TRNT1: variants seen among roughly 807,000 people sequenced by gnomAD.
TRNT1 encodes tRNA nucleotidyl transferase 1.
A neutral mutation model predicts 45.6 loss-of-function variants in TRNT1; 44 were observed. That is an observed-to-expected ratio of 0.97 (90% CI 0.76 to 1.24). The LOEUF is 1.24. TRNT1 is among the 50% of genes most tolerant of loss of function. The probability of loss-of-function intolerance (pLI) is 0.00; values close to 1 mark genes in which losing one functional copy is unlikely to be tolerated. For missense variants in TRNT1, 633 were observed against 504.4 expected (o/e 1.25, Z -2.44); for synonymous variants, 201 against 171.4 (o/e 1.17, Z -1.35).
At chr3:3,147,319 A>G in intron 6 of TRNT1, 131 bp from the exon 7 acceptor site, 2 of 1,019,262 alleles carry the variant, frequency 2.0e-6, no homozygotes, top group Non-Finnish European at 2.9e-6. Context: ...AAGTTGGAAC[A>G]TCAGACTGAA....
At chr3:3,131,486 A>G (rs963528991) in intron 2 of TRNT1, 8 of 151,846 alleles carry the variant, frequency 5.3e-5, no homozygotes, top group African/African-American at 1.4e-4. Flanking sequence ...ATATGTAGAA[A>G]GCTGAAACTG....
intron 1 of TRNT1, among the ~76,000 whole-genome samples, chr3:3,128,617 A>AAG (rs1438207583): frequency 7.1e-6 from 1 of 141,706 alleles, no homozygotes; most frequent in African/African-American, 2.5e-5. Flanking sequence ...AAAAAAAAAA[A>AAG]AAAAGAATTC....
At chr3:3,133,021 T>G (rs1259808849) in intron 2 of TRNT1, among the ~76,000 whole-genome samples, 1 of 152,150 alleles carries the variant, frequency 6.6e-6, no homozygotes, top group Non-Finnish European at 1.5e-5. Context: ...AAAATCAAAA[T>G]GTACAAAAAC....
chr3:3,153,271 TG>T (rs1249490224), downstream of TRNT1: 10 of 590,778 alleles, frequency 1.7e-5, no homozygotes, highest in Non-Finnish European at 2.2e-5. Flanking sequence ...ATCTGGAAGA[TG>T]GTCTTAGCAA....
intron 4 of TRNT1, among the ~76,000 whole-genome samples, chr3:3,142,350 C>G (rs1026833546): frequency 1.3e-5 from 2 of 152,232 alleles, no homozygotes; most frequent in South Asian, 4.1e-4. Context: ...ATTTAATCTC[C>G]TGACAACCCT....
chr3:3,143,824 C>T (rs1370115740), intron 4 of TRNT1, among the ~76,000 whole-genome samples: 1 of 152,172 alleles, frequency 6.6e-6, no homozygotes, highest in African/African-American at 2.4e-5. Context: ...CACCACTGCA[C>T]TCCAACCAGG....
chr3:3,130,213 T>G (rs6788122), intron 2 of TRNT1: 7,869 of 465,662 alleles, frequency 0.017, 207 homozygotes, highest in African/African-American at 0.084. Context: ...ATCTATTAGA[T>G]TCACCTGGGG....
rs1705559162 is a variant in TRNT1, at chr3:3,140,197, T to C, written c.343-313T>C. ...TTTCTGATAATAGCTTGATTTGAAA[T>C]TGAAGAACAGTTTTGAGTTTGATGT... is the stretch of plus-strand genomic sequence containing the variant. On this transcript the variant is annotated intron_variant, in intron 3 of 7. Transcript: ENST00000251607. Among the ~76,000 whole-genome samples, 3 of 152,228 alleles carry C rather than the reference T, an allele frequency of 2.0e-5. No individual in the cohort carries two copies. The South Asian group carries it at 6.2e-4, about 31-fold the overall frequency.
downstream of TRNT1, chr3:3,152,919 G>T (rs776732948): frequency 3.5e-5 from 12 of 341,622 alleles, no homozygotes; most frequent in Non-Finnish European, 6.0e-5. Flanking sequence ...GCAATGACAA[G>T]GTCCTGTGTG....
chr3:3,152,424 A>AAAAAAG, downstream of TRNT1: 1 of 1,419,804 alleles, frequency 7.0e-7, no homozygotes, highest in Non-Finnish European at 9.5e-7. Flanking sequence ...GTAAAAAAAG[A>AAAAAAG]AAAAAAAAAG....
chr3:3,150,958 T>A, downstream of TRNT1: 1 of 1,614,082 alleles, frequency 6.2e-7, no homozygotes, highest in South Asian at 1.1e-5. Flanking sequence ...CCCAAAATTT[T>A]TGAGGTGACA....
intron 3 of TRNT1, 136 bp from the exon 4 acceptor site, chr3:3,140,374 G>C (rs1705571284): frequency 2.8e-6 from 2 of 702,514 alleles, no homozygotes; most frequent in Admixed American, 2.9e-5. Flanking sequence ...AGGTATGGTA[G>C]TTGACGTTAA....
In TRNT1 at chr3:3,144,213, C is replaced by T. The variant is rs956363051; in HGVS notation, c.482-371C>T. Among the ~76,000 whole-genome samples the T allele has an allele frequency of 5.3e-5, 8 of 152,250 alleles. No homozygotes were observed. The East Asian group carries it at 5.8e-4, about 11-fold the overall frequency. On this transcript the variant is annotated intron_variant, in intron 4 of 7. Coordinates refer to ENST00000251607, the MANE Select transcript of TRNT1 (RefSeq NM_182916.3). ...ATTCCAAGATTAAAAATATTTTCCT[C>T]GTTTCTTCTGTTAATCCTGTTACGT...
In TRNT1 at chr3:3,147,730, A is replaced by T. The variant is rs755371324; in HGVS notation, c.1056+27A>T. The T allele has an allele frequency of 5.7e-6, 9 of 1,570,582 alleles. No homozygotes were observed. In the Middle Eastern group the frequency reaches 5.2e-4, roughly 90 times the overall value. ...TAAGTATATACTAGGCTTGGTCAGA[A>T]ATATGAAGTATCGTCACGAATTTAG... On this transcript the variant is annotated intron_variant, in intron 7 of 7. Coordinates refer to ENST00000251607, the MANE Select transcript of TRNT1 (RefSeq NM_182916.3).
chr3:3,134,925 G>C (rs1705235147), intron 2 of TRNT1, among the ~76,000 whole-genome samples: 1 of 152,060 alleles, frequency 6.6e-6, no homozygotes, highest in Non-Finnish European at 1.5e-5. Context: ...GCTTCCTAAA[G>C]TGAGTCACAA....
chr3:3,130,472 T>C (rs1459692303), intron 2 of TRNT1: 1 of 157,084 alleles, frequency 6.4e-6, no homozygotes, highest in Non-Finnish European at 1.4e-5. Context: ...AATATGTTGA[T>C]TCTTTTAGAT....
intron 4 of TRNT1, among the ~76,000 whole-genome samples, chr3:3,143,484 T>C (rs1407928424): frequency 6.6e-6 from 1 of 152,228 alleles, no homozygotes; most frequent in Non-Finnish European, 1.5e-5. Flanking sequence ...TGAAGTCTCC[T>C]GATCTGTAAT....
chr3:3,128,413 G>A (rs1236073325), intron 1 of TRNT1, among the ~76,000 whole-genome samples: 3 of 152,106 alleles, frequency 2.0e-5, no homozygotes, highest in African/African-American at 7.2e-5. Context: ...TCTGGCCAAC[G>A]TGGTAAAACC....
intron 3 of TRNT1, among the ~76,000 whole-genome samples, chr3:3,139,426 G>A (rs1332305640): frequency 1.3e-5 from 2 of 152,106 alleles, no homozygotes; most frequent in Non-Finnish European, 2.9e-5. Flanking sequence ...GATCGTTAAC[G>A]GCTTTCACTT....
Sources: gnomAD v4.1 joint callset for allele counts (sites outside exome capture counted in the v4.1 genomes callset) on GRCh38, gnomAD v4.1.1 for gene constraint, MANE v1.5 for transcripts, NCBI Gene and HGNC (gene_info 2026-07-23, HGNC 2026-07-21) for gene names.